The following EXOSC7 variants were observed in gnomAD, a reference collection of about 807,000 sequenced individuals.
EXOSC7 encodes the protein exosome complex component RRP42.
Under a neutral mutation model 34.3 loss-of-function variants are expected in EXOSC7, and 25 were observed. The observed-to-expected ratio is 0.73, with a 90% CI of 0.53 to 1.02. The LOEUF (loss-of-function observed/expected upper bound fraction) is 1.02, where lower values mean the gene tolerates loss of function less well. EXOSC7 is among the 50% of genes least tolerant of loss of function. EXOSC7 has a pLI of 0.00. For missense variants in EXOSC7, 370 were observed against 368.5 expected, an observed-to-expected ratio of 1.00 and a Z score of -0.03; for synonymous variants, 130 against 143.0, an observed-to-expected ratio of 0.91 and a Z score of 0.65.
chr3:45,011,169 C>G, intron 7 of EXOSC7, 66 bp from the exon 8 acceptor site: 1 of 875,414 alleles, frequency 1.1e-6, no homozygotes, highest in Admixed American at 2.8e-5. Flanking sequence ...GAAAGGAATG[C>G]TTTTCTGGTC....
rs1338048539 is a variant in EXOSC7 at position 45,007,557 on chromosome 3, CATCTTCGAGATGA to C, written c.754_766del (p.Ile252TrpfsTer?). On this transcript the variant is annotated frameshift_variant, in exon 7 of 8. Transcript: ENST00000265564. LOFTEE classifies it high-confidence loss of function. ...GGAAGGGCAGCCTGGACCCAGAGAG[CATCTTCGAGATGA>C]TGGAGGTGAGGCCTTAGTTCTGAGG... 1 of 1,609,828 alleles carries C rather than the reference CATCTTCGAGATGA, an allele frequency of 6.2e-7. No homozygotes were observed. Among genetic ancestry groups the C allele is most frequent in the African/African-American group, 1.3e-5 (1 of 74,890 alleles).
downstream of EXOSC7, chr3:45,011,476 T>A (rs530642170): frequency 4.7e-6 from 3 of 635,600 alleles, no homozygotes; most frequent in Non-Finnish European, 8.3e-6. Flanking sequence ...CTGGTCTGGT[T>A]TGGTATGTCT....
chr3:45,005,852 C>T (rs941511644), intron 6 of EXOSC7, among the ~76,000 whole-genome samples: 3 of 152,038 alleles, frequency 2.0e-5, no homozygotes, highest in African/African-American at 7.2e-5. Flanking sequence ...GGCTGTGGAG[C>T]TGAACATCAG....
At chr3:45,003,325 CTGTGCGTG>C (rs1406485421) in intron 5 of EXOSC7, among the ~76,000 whole-genome samples, 1 of 111,070 alleles carries the variant, frequency 9.0e-6, no homozygotes, top group Non-Finnish European at 1.9e-5. Flanking sequence ...TTGGGAGATA[CTGTGCGTG>C]CGTGCGTGCG....
At chr3:45,002,600 A>G (rs1399503185) in intron 5 of EXOSC7, among the ~76,000 whole-genome samples, 2 of 152,168 alleles carry the variant, frequency 1.3e-5, no homozygotes, top group Non-Finnish European at 2.9e-5. Flanking sequence ...GGTAGTTCTT[A>G]TATGTAATGT....
rs959618350 is a variant in EXOSC7 at position 44,980,684 on chromosome 3, C to T, written c.57+4350C>T. Among the ~76,000 whole-genome samples the T allele has an allele frequency of 2.6e-5, 4 of 152,306 alleles. No homozygotes were observed. The East Asian group carries it at 5.8e-4, about 22-fold the overall frequency. ...TACCTCCTTTTCTTTCCCCCTTTCT[C>T]TAAAAGCTTGTGGGGAAACTGGAAG... On this transcript the variant is annotated intron_variant, in intron 1 of 7. Coordinates refer to ENST00000265564, the MANE Select transcript of EXOSC7 (RefSeq NM_015004.4).
intron 1 of EXOSC7, among the ~76,000 whole-genome samples, chr3:44,987,097 A>C (rs1037845306): frequency 6.6e-6 from 1 of 152,026 alleles, no homozygotes; most frequent in African/African-American, 2.4e-5. Context: ...AGTGTTAAAA[A>C]AAAAAAAAAA....
rs780882326 is a variant in EXOSC7 at position 45,007,529 on chromosome 3, T to C, written c.725T>C (p.Val242Ala). 1.2e-6 allele frequency: 2 copies of C among 1,613,508 alleles called. No individual in the cohort carries two copies. The highest frequency in any genetic ancestry group is 1.7e-6 in the Non-Finnish European group (2 of 1,179,712). ...SKGVVTCMRKVGKGSLDPESI... is the reference protein window; with the variant it reads ...SKGVVTCMRKAGKGSLDPESI... ...GGAGTTGTGACGTGCATGAGGAAAG[T>C]GGGGAAGGGCAGCCTGGACCCAGAG... Residue 242 changes from valine to alanine, a missense_variant, in exon 7 of 8, where the codon GTG (valine) becomes GCG (alanine). This residue lies in a region of EXOSC7 where 255 missense variants were observed against 246.4 expected (regional missense o/e 1.03). Coordinates refer to ENST00000265564, the MANE Select transcript of EXOSC7 (RefSeq NM_015004.4).
At position 45,007,514 on chromosome 3, in the gene EXOSC7, C is replaced by T. The variant is rs140807656; in HGVS notation, c.710C>T (p.Thr237Met). ...TCGGTGACCAGCAAGGGAGTTGTGA[C>T]GTGCATGAGGAAAGTGGGGAAGGGC... Reference protein sequence around the residue: ...LVSVTSKGVVTCMRKVGKGSL... With the variant: ...LVSVTSKGVVMCMRKVGKGSL... Residue 237 changes from threonine to methionine, a missense_variant, in exon 7 of 8, where the codon ACG becomes ATG. By Grantham distance (81) the Thr-to-Met change is moderately conservative. Transcript: ENST00000265564. The T allele has an allele frequency of 5.5e-5, 89 of 1,613,776 alleles. No individual in the cohort carries two copies. The highest frequency in any genetic ancestry group is 1.5e-4 in the South Asian group (14 of 91,062).
chr3:44,988,322 A>G (rs1252496733), intron 1 of EXOSC7, among the ~76,000 whole-genome samples: 1 of 152,262 alleles, frequency 6.6e-6, no homozygotes, highest in Non-Finnish European at 1.5e-5. Flanking sequence ...GTAGTGGATT[A>G]TAACCATAGC....
chr3:44,984,941 A>C (rs180864183), intron 1 of EXOSC7, among the ~76,000 whole-genome samples: 1 of 152,354 alleles, frequency 6.6e-6, no homozygotes, highest in East Asian at 1.9e-4. Context: ...CCAGAGAGGG[A>C]AGGGGCTTGT....
chr3:44,999,592 G>A (rs926329856), intron 4 of EXOSC7, among the ~76,000 whole-genome samples: 6 of 152,086 alleles, frequency 3.9e-5, no homozygotes, highest in African/African-American at 1.2e-4. Flanking sequence ...GGGAGACTGA[G>A]GCAAGAGAAT....
intron 4 of EXOSC7, among the ~76,000 whole-genome samples, chr3:44,999,380 T>C (rs1706813933): frequency 6.6e-6 from 1 of 152,216 alleles, no homozygotes; most frequent in African/African-American, 2.4e-5. Flanking sequence ...GAAGAAGACA[T>C]GAGCTTTTAA....
chr3:44,981,301 C>T (rs1051789523), intron 1 of EXOSC7, among the ~76,000 whole-genome samples: 30 of 152,116 alleles, frequency 2.0e-4, no homozygotes, highest in African/African-American at 6.8e-4. Context: ...TGAGCAGGCA[C>T]CTTCACCATT....
At chr3:44,978,911 A>T (rs1706197685) in intron 1 of EXOSC7, among the ~76,000 whole-genome samples, 1 of 152,190 alleles carries the variant, frequency 6.6e-6, no homozygotes. Flanking sequence ...AGCACTTGGT[A>T]GGTTCTTAGT....
At chr3:44,979,007 T>C (rs1455374689) in intron 1 of EXOSC7, among the ~76,000 whole-genome samples, 1 of 152,238 alleles carries the variant, frequency 6.6e-6, no homozygotes, top group Non-Finnish European at 1.5e-5. Flanking sequence ...CTCTCACCAG[T>C]ACCATGGACA....
intron 6 of EXOSC7, among the ~76,000 whole-genome samples, chr3:45,006,003 A>C (rs1471996773): frequency 6.6e-6 from 1 of 151,120 alleles, no homozygotes; most frequent in Non-Finnish European, 1.5e-5. Context: ...TTCCACTGAA[A>C]TCACTTCATG....
chr3:44,981,752 TA>T (rs1706274912), intron 1 of EXOSC7, among the ~76,000 whole-genome samples: 2 of 151,826 alleles, frequency 1.3e-5, no homozygotes, highest in Admixed American at 6.6e-5. Flanking sequence ...ACCCTATCTC[TA>T]AAAAAAATTA....
Position 44,985,849 on chromosome 3 carries a change from T to C in EXOSC7, c.58-3291T>C, listed in dbSNP as rs1358818922. Reference sequence around the variant, plus strand: ...GTGGTCTGTTAGACAGGGTGCTGATTGGTGCGTTTACAATCCCTGAGCTAG... The same window carrying C: ...GTGGTCTGTTAGACAGGGTGCTGATCGGTGCGTTTACAATCCCTGAGCTAG... On this transcript the variant is annotated intron_variant, in intron 1 of 7. Transcript: ENST00000265564. 2.0e-5 allele frequency among the ~76,000 whole-genome samples: 3 copies of C among 152,162 alleles called. No homozygotes were observed. In the East Asian group the frequency reaches 5.8e-4, roughly 29 times the overall value.
Sources: gnomAD v4.1 joint callset for allele counts (sites outside exome capture counted in the v4.1 genomes callset) on GRCh38, gnomAD v4.1.1 for gene constraint, gnomAD v4.1.1 regional missense constraint, MANE v1.5 for transcripts, NCBI Gene and HGNC (gene_info 2026-07-23, HGNC 2026-07-21) for gene names.